The following ING2 variants were observed in gnomAD, a reference collection of about 807,000 sequenced individuals.
The protein encoded by ING2 is inhibitor of growth family member 2, also known as inhibitor of growth protein 2.
A neutral mutation model predicts 30.6 loss-of-function variants in ING2; 7 were observed. The ratio of observed to expected loss-of-function variants is 0.23; its 90% CI spans 0.13 to 0.43. The LOEUF (loss-of-function observed/expected upper bound fraction) is 0.43, where lower values mean the gene tolerates loss of function less well. Among genes scored for constraint, ING2 ranks in the 20% least tolerant of loss-of-function variants. The pLI, the probability that ING2 is intolerant of heterozygous loss-of-function variation, is 1.00. For synonymous variants in ING2, 136 were observed against 121.7 expected (o/e 1.12, Z -0.78); for missense variants, 239 against 334.9 (o/e 0.71, Z 2.24).
chr4:183,512,224 C>A lies in ING2; in HGVS notation c.*1272C>A, dbSNP rs1019745060. Reference sequence around the variant, plus strand: ...ATTCTTTTTGATTAACATGAAAAATCCTGTCTGCTTGTTTTGGGAAAAAAA... The same window carrying A: ...ATTCTTTTTGATTAACATGAAAAATACTGTCTGCTTGTTTTGGGAAAAAAA... On this transcript the variant is annotated 3_prime_UTR_variant, in exon 2 of 2. Transcript: ENST00000302327. Among the ~76,000 whole-genome samples, 15 of 151,850 alleles carry A rather than the reference C, an allele frequency of 9.9e-5. No individual in the cohort carries two copies. The highest frequency in any genetic ancestry group is 3.1e-4 in the African/African-American group (13 of 41,504).
rs766747609 is a variant in ING2 at position 183,505,215 on chromosome 4, A to G, written c.20A>G (p.Gln7Arg). 1.1e-5 allele frequency: 18 copies of G among 1,601,628 alleles called. No homozygotes were observed. Among genetic ancestry groups the G allele is most frequent in the Middle Eastern group, 3.3e-4 (2 of 5,978 alleles). Residue 7 changes from glutamine to arginine, a missense_variant, in exon 1 of 2, where the codon CAG becomes CGG. Physicochemically the swap from Gln to Arg is conservative, Grantham distance 43 (BLOSUM62 1). Around this residue, in one of 5 missense-constraint regions of ING2, gnomAD observed 80 missense variants for 102.4 expected, o/e 0.78. Coordinates refer to ENST00000302327, the MANE Select transcript of ING2 (RefSeq NM_001564.4). ...GGCAGGATGTTAGGGCAGCAGCAGC[A>G]GCAACTGTACTCGTCGGCCGCGCTC... MLGQQQ[Q>R]QLYSSAALLT...
intron 1 of ING2, 80 bp downstream of exon 1, chr4:183,505,447 G>A (rs1161914219): frequency 1.0e-5 from 14 of 1,333,886 alleles, no homozygotes; most frequent in Admixed American, 4.7e-5. Context: ...CCTTTCTCCC[G>A]TGACAGTCTC....
At chr4:183,506,430 C>T (rs1453560462) in intron 1 of ING2, 5 of 714,060 alleles carry the variant, frequency 7.0e-6, no homozygotes, top group African/African-American at 1.8e-5. Flanking sequence ...AGTGTGGAGG[C>T]GAAACCACCC....
chr4:183,506,136 A>C (rs1166462056), intron 1 of ING2: 2 of 1,237,550 alleles, frequency 1.6e-6, no homozygotes, highest in African/African-American at 3.2e-5. Context: ...TGGTCGCGAG[A>C]GGGGCGGTGG....
chr4:183,510,213 T>A (rs1734789740), intron 1 of ING2, 69 bp from the exon 2 acceptor site: 1 of 1,138,764 alleles, frequency 8.8e-7, no homozygotes, highest in Non-Finnish European at 1.3e-6. Flanking sequence ...CTGTAAAAAA[T>A]AACTACCTTG....
chr4:183,507,385 G>A (rs1477397721), intron 1 of ING2, among the ~76,000 whole-genome samples: 1 of 152,242 alleles, frequency 6.6e-6, no homozygotes, highest in Non-Finnish European at 1.5e-5. Context: ...ACAGGCGTGA[G>A]CCACCGCGCC....
chr4:183,505,357 C>T lies in ING2; in HGVS notation c.162C>T (p.Asn54=), dbSNP rs780032686. The T allele has an allele frequency of 6.5e-7, 1 of 1,538,094 alleles. No homozygotes were observed. The highest frequency in any genetic ancestry group is 1.2e-5 in the South Asian group (1 of 83,264). The change falls in exon 1 of 2, where the codon AAC becomes AAT. Residue 54 remains asparagine (N), a synonymous_variant. Transcript: ENST00000302327. ...TGTCTGTGCTGCGAGAGCTGGACAA[C>T]AAATATCAAGGTAGGAGCCGCGGGG... ...RNVSVLRELD[N]KYQETLKEID...
rs975598210 is a variant in ING2 at position 183,511,448 on chromosome 4, G to C, written c.*496G>C. The stretch of plus-strand genomic sequence containing the variant: ...GGCTTGTTCATCTCTAGTCTTCTAG[G>C]AGTTTAAGGAACTGGAGATAAGAGT... On this transcript the variant is annotated 3_prime_UTR_variant, in exon 2 of 2. Transcript: ENST00000302327. Among the ~76,000 whole-genome samples, 1 of 152,182 alleles carries C rather than the reference G, an allele frequency of 6.6e-6. No individual in the cohort carries two copies. The highest frequency in any genetic ancestry group is 2.4e-5 in the African/African-American group (1 of 41,436).
At position 183,506,006 on chromosome 4, in the gene ING2, G is replaced by A. The variant is rs995562725; in HGVS notation, c.172+639G>A. ...GTTAAGAGGGGAGGGGTCCCCCGCG[G>A]GAGAGGAAGAGAGGGGCGTGTGTGG... On this transcript the variant is annotated intron_variant, in intron 1 of 1. Coordinates refer to ENST00000302327, the MANE Select transcript of ING2 (RefSeq NM_001564.4). 50 of 868,306 alleles carry A rather than the reference G, an allele frequency of 5.8e-5. 1 individual carries two copies. Among genetic ancestry groups the A allele is most frequent in the Non-Finnish European group, 6.8e-5 (46 of 680,350 alleles). 53.8% of individuals were successfully genotyped at this position (868,306 alleles called of 1,614,324 possible). A position where few individuals can be genotyped will look rare whatever the true frequency, so the allele number is the denominator to read the frequency against.
intron 1 of ING2, among the ~76,000 whole-genome samples, chr4:183,509,477 GCT>G (rs1734760745): frequency 7.0e-6 from 1 of 142,004 alleles, no homozygotes; most frequent in Non-Finnish European, 1.5e-5. Flanking sequence ...ACGGAGTCTT[GCT>G]CTGTCTCCCA....
Position 183,510,952 on chromosome 4 carries a change from GTA to G in ING2, c.*1_*2del. The G allele has an allele frequency of 6.4e-7, 1 of 1,570,814 alleles. No homozygotes were observed. Among genetic ancestry groups the G allele is most frequent in the Non-Finnish European group, 8.6e-7 (1 of 1,157,424 alleles). ...CAAAAAAGGATAGAAGATCGAGGTA[GTA>G]AAGGCCATCCACATTTTAAAGGGTT... On this transcript the variant is annotated 3_prime_UTR_variant, in exon 2 of 2. Coordinates refer to ENST00000302327, the MANE Select transcript of ING2 (RefSeq NM_001564.4).
rs1458069485 is a variant in ING2 at position 183,510,736 on chromosome 4, T to G, written c.627T>G (p.Pro209=). ...CACCTGTTGAGTTTGCAATAGATCC[T>G]AATGAACCTACATACTGCTTATGCA... ...EASPVEFAID[P]NEPTYCLCNQ... Residue 209 remains proline (P), a synonymous_variant, in exon 2 of 2, where the codon CCT becomes CCG. Coordinates refer to ENST00000302327, the MANE Select transcript of ING2 (RefSeq NM_001564.4). 2.5e-6 allele frequency: 4 copies of G among 1,614,120 alleles called. No homozygotes were observed. The African/African-American group carries it at 4.0e-5, about 16-fold the overall frequency.
chr4:183,510,376 A>T lies in ING2; in HGVS notation c.267A>T (p.Ala89=), dbSNP rs1432286418. The T allele has an allele frequency of 6.2e-7, 1 of 1,614,074 alleles. No individual in the cohort carries two copies. The highest frequency in any genetic ancestry group is 8.5e-7 in the Non-Finnish European group (1 of 1,180,000). ...GTCTACAGCAGCTTCTCCAGAGAGC[A>T]CTAATTAATAGTCAAGAATTGGGAG... is the stretch of plus-strand genomic sequence containing the variant. The part of the protein sequence containing the change: ...KKRLQQLLQR[A]LINSQELGDE... Residue 89 remains alanine (A), a synonymous_variant, in exon 2 of 2, where the codon GCA becomes GCT. Transcript: ENST00000302327.
rs1734831944 is a variant in ING2, at chr4:183,512,083, A to G, written c.*1131A>G. Among the ~76,000 whole-genome samples the G allele has an allele frequency of 6.6e-6, 1 of 152,204 alleles. No individual in the cohort carries two copies. Among genetic ancestry groups the G allele is most frequent in the Non-Finnish European group, 1.5e-5 (1 of 68,036 alleles). On this transcript the variant is annotated 3_prime_UTR_variant, in exon 2 of 2. Transcript: ENST00000302327. Reference sequence around the variant, plus strand: ...TTGAAGGGTAAGCATCTTGATGGATATATGTCCATATGTTTAGAGAAGGTT... The same window carrying G: ...TTGAAGGGTAAGCATCTTGATGGATGTATGTCCATATGTTTAGAGAAGGTT...
chr4:183,505,953 G>T (rs1579166788), intron 1 of ING2: 1 of 425,104 alleles, frequency 2.4e-6, no homozygotes, highest in East Asian at 1.4e-4. Context: ...CCGCGTTGTA[G>T]CCCTAGCCCA....
rs1177736746 is a variant in ING2 at position 183,506,095 on chromosome 4, G to A, written c.172+728G>A. On this transcript the variant is annotated intron_variant, in intron 1 of 1. Transcript: ENST00000302327. ...TTGACGAGGGGCGTGGGAGGGGCGC[G>A]GCGCGCGTTCCCGCGGGCCTGGAAA... 5 of 1,187,628 alleles carry A rather than the reference G, an allele frequency of 4.2e-6. No homozygotes were observed. In the South Asian group the frequency reaches 4.5e-5, roughly 11 times the overall value. 73.6% of individuals were successfully genotyped at this position (1,187,628 alleles called of 1,614,324 possible). A position where few individuals can be genotyped will look rare whatever the true frequency, so the allele number is the denominator to read the frequency against.
intron 1 of ING2, among the ~76,000 whole-genome samples, chr4:183,508,279 G>A (rs780538918): frequency 3.3e-5 from 5 of 151,572 alleles, no homozygotes; most frequent in Non-Finnish European, 7.4e-5. Flanking sequence ...TCAATGTGCT[G>A]GTATGATATA....
chr4:183,507,979 C>T (rs1734718896), intron 1 of ING2, among the ~76,000 whole-genome samples: 1 of 152,052 alleles, frequency 6.6e-6, no homozygotes, highest in Non-Finnish European at 1.5e-5. Flanking sequence ...AGATAAATAA[C>T]AACCTTCAAA....
chr4:183,509,963 T>C (rs1272362490), intron 1 of ING2, among the ~76,000 whole-genome samples: 3 of 150,932 alleles, frequency 2.0e-5, no homozygotes, highest in Non-Finnish European at 4.4e-5. Flanking sequence ...CTTGAACTCC[T>C]GACCTCAGGT....
Sources: gnomAD v4.1 joint callset for allele counts (sites outside exome capture counted in the v4.1 genomes callset) on GRCh38, gnomAD v4.1.1 for gene constraint, gnomAD v4.1.1 regional missense constraint, MANE v1.5 for transcripts, NCBI Gene and HGNC (gene_info 2026-07-23, HGNC 2026-07-21) for gene names.